Variants in DCLK1 observed in about 807,000 individuals in gnomAD.
The protein encoded by DCLK1 is serine/threonine-protein kinase DCLK1.
A neutral mutation model predicts 86.2 loss-of-function variants in DCLK1; 16 were observed. That is an observed-to-expected ratio of 0.19 (90% CI 0.13 to 0.28). DCLK1 has a LOEUF of 0.28. Ranked by LOEUF, DCLK1 falls within the 10% of genes least tolerant of loss-of-function variation. The pLI is 1.00. For missense variants in DCLK1, 590 were observed against 940.2 expected (o/e 0.63, Z 4.87); for synonymous variants, 369 against 370.5 (o/e 1.00, Z 0.05).
At chr13:35,916,998 A>G (rs1875456039) in intron 4 of DCLK1, among the ~76,000 whole-genome samples, 2 of 152,200 alleles carry the variant, frequency 1.3e-5, no homozygotes, top group Non-Finnish European at 2.9e-5. Context: ...CGAGGAAAAT[A>G]GCATCATTAT....
Position 36,016,746 on chromosome 13 carries a change from T to C in DCLK1, c.724-69289A>G, listed in dbSNP as rs144482208. Among the ~76,000 whole-genome samples the C allele has an allele frequency of 6.0e-3, 914 of 152,304 alleles. 13 individuals are homozygous for C. Among genetic ancestry groups the C allele is most frequent in the African/African-American group, 0.021 (863 of 41,562 alleles). ...TGTTCTAGTAGCCACATTAATAAAC[T>C]AAAAAGAAATAAATGAAATTAATTT... On this transcript the variant is annotated intron_variant, in intron 3 of 16. Transcript: ENST00000360631.
chr13:35,958,226 T>A (rs1878216311), intron 3 of DCLK1, among the ~76,000 whole-genome samples: 1 of 136,686 alleles, frequency 7.3e-6, no homozygotes. Context: ...CCACCACCAC[T>A]ATAACCACCA....
intron 3 of DCLK1, among the ~76,000 whole-genome samples, chr13:35,994,209 T>A (rs1880376219): frequency 6.6e-6 from 1 of 152,146 alleles, no homozygotes; most frequent in South Asian, 2.1e-4. Context: ...TTGACTGAAG[T>A]GTTCCAGGTG....
rs765295094 is a variant in DCLK1 at position 35,855,865 on chromosome 13, C to T, written c.941-1272G>A. The stretch of plus-strand genomic sequence containing the variant: ...TTGCACTGAATCATAATGAAGTGGC[C>T]CTGGGGGCAAGAGATCCAGTGACTC... On this transcript the variant is annotated intron_variant, in intron 5 of 16. Coordinates refer to ENST00000360631, the MANE Select transcript of DCLK1 (RefSeq NM_001330071.2). 42 of 1,135,846 alleles carry T rather than the reference C, an allele frequency of 3.7e-5. No individual in the cohort carries two copies. The Middle Eastern group carries it at 1.1e-3, about 30-fold the overall frequency. 70.4% of individuals were successfully genotyped at this position (1,135,846 alleles called of 1,614,324 possible). A position where few individuals can be genotyped will look rare whatever the true frequency, so the allele number is the denominator to read the frequency against.
intron 3 of DCLK1, among the ~76,000 whole-genome samples, chr13:36,006,096 T>C (rs1251959711): frequency 6.6e-6 from 1 of 152,124 alleles, no homozygotes; most frequent in African/African-American, 2.4e-5. Context: ...GACGGGTTGA[T>C]GGGTGCAGCA....
At chr13:35,876,041 A>G (rs1872573030) in intron 4 of DCLK1, among the ~76,000 whole-genome samples, 1 of 151,702 alleles carries the variant, frequency 6.6e-6, no homozygotes, top group African/African-American at 2.4e-5. Flanking sequence ...GGTCAGGGGC[A>G]GACAAATGGG....
In DCLK1 at chr13:36,125,928, T is replaced by A; in HGVS notation, c.210A>T (p.Lys70Asn). Residue 70 changes from lysine to asparagine, a missense_variant, in exon 2 of 17, where the codon AAA becomes AAT. Transcript: ENST00000360631. ...RFYRNGDRYF[K>N]GIVYAISPDR... ...CTGGGGAGATGGCATACACAATCCCTTTGAAGTATCGATCTCCGTTTCGAT... is the reference window on the plus strand; with the variant it reads ...CTGGGGAGATGGCATACACAATCCCATTGAAGTATCGATCTCCGTTTCGAT... 6.2e-7 allele frequency: 1 copy of A among 1,614,190 alleles called. No homozygotes were observed. Among genetic ancestry groups the A allele is most frequent in the South Asian group, 1.1e-5 (1 of 91,078 alleles).
chr13:36,078,558 G>T (rs946403551), intron 3 of DCLK1, among the ~76,000 whole-genome samples: 1 of 152,122 alleles, frequency 6.6e-6, no homozygotes, highest in African/African-American at 2.4e-5. Context: ...ATTTAAAGTG[G>T]TTTACAAATT....
chr13:36,011,809 C>A (rs1011211503), intron 3 of DCLK1, among the ~76,000 whole-genome samples: 8 of 149,086 alleles, frequency 5.4e-5, no homozygotes, highest in African/African-American at 2.0e-4. Context: ...GTTCATCTGT[C>A]TAATGTTGAC....
At chr13:36,084,863 T>A (rs1404628186) in intron 3 of DCLK1, among the ~76,000 whole-genome samples, 1 of 152,178 alleles carries the variant, frequency 6.6e-6, no homozygotes, top group Admixed American at 6.5e-5. Flanking sequence ...TACTTTCCCA[T>A]CAGAAATAAA....
chr13:36,059,829 A>G (rs1024021080), intron 3 of DCLK1, among the ~76,000 whole-genome samples: 1 of 151,542 alleles, frequency 6.6e-6, no homozygotes, highest in Admixed American at 6.6e-5. Flanking sequence ...CTATTAGTAT[A>G]TCATGTTTTT....
chr13:35,822,857 C>A lies in DCLK1; in HGVS notation c.1426G>T (p.Ala476Ser). 6.2e-7 allele frequency: 1 copy of A among 1,613,608 alleles called. No individual in the cohort carries two copies. Among genetic ancestry groups the A allele is most frequent in the Non-Finnish European group, 8.5e-7 (1 of 1,179,918 alleles). ...ELVKGGDLFD[A>S]ITSTNKYTER... ...GTGTATTTGTTAGTGGAAGTAATGG[C>A]ATCAAAAAGGTCTCCCCCCTGAGAA... The change falls in exon 11 of 17, where the codon GCC (alanine) becomes TCC (serine). Residue 476 changes from alanine to serine, a missense_variant. Transcript: ENST00000360631.
At chr13:35,894,307 C>T (rs549796542) in intron 4 of DCLK1, among the ~76,000 whole-genome samples, 5 of 152,246 alleles carry the variant, frequency 3.3e-5, no homozygotes, top group East Asian at 3.9e-4. Flanking sequence ...AGGCTTAGCA[C>T]GGCAAGGAAT....
chr13:36,027,885 C>T (rs1882108514), intron 3 of DCLK1, among the ~76,000 whole-genome samples: 2 of 152,072 alleles, frequency 1.3e-5, no homozygotes, highest in Non-Finnish European at 2.9e-5. Context: ...GTGCATGGCA[C>T]CACACCTGGC....
chr13:36,083,239 T>G (rs1884481415), intron 3 of DCLK1, among the ~76,000 whole-genome samples: 1 of 152,216 alleles, frequency 6.6e-6, no homozygotes, highest in African/African-American at 2.4e-5. Context: ...AACTCTGGCC[T>G]TTGCCTCTGA....
intron 4 of DCLK1, among the ~76,000 whole-genome samples, chr13:35,927,078 T>G (rs1346433891): frequency 6.6e-6 from 1 of 152,220 alleles, no homozygotes; most frequent in East Asian, 1.9e-4. Flanking sequence ...GGCTTTGGCT[T>G]CCTCATATTG....
At chr13:35,870,511 A>ACTTT (rs1872190353) in intron 5 of DCLK1, among the ~76,000 whole-genome samples, 1 of 152,180 alleles carries the variant, frequency 6.6e-6, no homozygotes, top group Non-Finnish European at 1.5e-5. Context: ...GGTAACAATC[A>ACTTT]CTTTGACATT....
intron 12 of DCLK1, 48 bp downstream of exon 12, chr13:35,810,787 G>C: frequency 6.2e-7 from 1 of 1,603,298 alleles, no homozygotes; most frequent in Non-Finnish European, 8.5e-7. Flanking sequence ...CTCGAAGCGG[G>C]CTAGTTCTTT....
intron 16 of DCLK1, among the ~76,000 whole-genome samples, chr13:35,782,073 A>C (rs1482988306): frequency 6.6e-6 from 1 of 152,208 alleles, no homozygotes; most frequent in Admixed American, 6.5e-5. Flanking sequence ...CTTGGGATGC[A>C]ACTGAGTAGC....
Sources: gnomAD v4.1 joint callset for allele counts (sites outside exome capture counted in the v4.1 genomes callset) on GRCh38, gnomAD v4.1.1 for gene constraint, MANE v1.5 for transcripts, NCBI Gene and HGNC (gene_info 2026-07-23, HGNC 2026-07-21) for gene names.